Variants in RAD51B observed in about 807,000 individuals in gnomAD.
The protein encoded by RAD51B is RAD51 paralog B, also known as DNA repair protein RAD51 homolog 2.
In RAD51B, 38 loss-of-function variants were observed where a neutral mutation model predicts 42.2. The ratio of observed to expected loss-of-function variants is 0.90; its 90% CI spans 0.70 to 1.18. The LOEUF (loss-of-function observed/expected upper bound fraction) is 1.18, where lower values mean the gene tolerates loss of function less well. Among genes scored for constraint, RAD51B ranks in the 50% most tolerant of loss-of-function variants. The pLI is 0.00. For missense variants in RAD51B, 373 were observed against 400.7 expected, an observed-to-expected ratio of 0.93 and a Z score of 0.59; for synonymous variants, 154 against 145.2, an observed-to-expected ratio of 1.06 and a Z score of -0.43.
intron 7 of RAD51B, among the ~76,000 whole-genome samples, chr14:68,127,471 A>G (rs1370580994): frequency 6.6e-6 from 1 of 152,162 alleles, no homozygotes; most frequent in Non-Finnish European, 1.5e-5. Context: ...AGTACTCATT[A>G]ATTTGTATTG....
At chr14:68,119,570 T>C (rs2077610538) in intron 7 of RAD51B, among the ~76,000 whole-genome samples, 1 of 146,438 alleles carries the variant, frequency 6.8e-6, no homozygotes, top group Admixed American at 6.9e-5. Context: ...TATGCGGTGT[T>C]TGGTTTTTTG....
At chr14:68,504,503 A>G (rs1393986289) in intron 10 of RAD51B, among the ~76,000 whole-genome samples, 1 of 152,168 alleles carries the variant, frequency 6.6e-6, no homozygotes, top group Admixed American at 6.5e-5. Context: ...AGTGCCTCTG[A>G]TCATGAAGAC....
chr14:68,350,508 T>C (rs1038514593), intron 8 of RAD51B, among the ~76,000 whole-genome samples: 2 of 152,222 alleles, frequency 1.3e-5, no homozygotes, highest in Admixed American at 1.3e-4. Context: ...AAATTGCTGG[T>C]GAAGCATCTT....
chr14:68,211,813 T>C lies in RAD51B; in HGVS notation c.757-80071T>C, dbSNP rs140863577. ...GCCCTGTACCCACAGTAACTGTCCA[T>C]AGAAATGTGAATGTTGGTAGTCTTC... is the stretch of plus-strand genomic sequence containing the variant. On this transcript the variant is annotated intron_variant, in intron 7 of 10. Coordinates refer to ENST00000471583, the MANE Select transcript of RAD51B (RefSeq NM_133510.4). Among the ~76,000 whole-genome samples the C allele has an allele frequency of 8.3e-3, 1,266 of 152,326 alleles. 7 individuals are homozygous for C. Among genetic ancestry groups the C allele is most frequent in the Non-Finnish European group, 0.014 (961 of 68,028 alleles).
At chr14:68,193,944 A>C (rs187831402) in intron 7 of RAD51B, among the ~76,000 whole-genome samples, 2 of 152,322 alleles carry the variant, frequency 1.3e-5, no homozygotes, top group African/African-American at 4.8e-5. Context: ...GATCACACTC[A>C]TTAGACTGTT....
intron 7 of RAD51B, among the ~76,000 whole-genome samples, chr14:68,269,957 A>G (rs1023449791): frequency 1.3e-5 from 2 of 152,230 alleles, no homozygotes; most frequent in African/African-American, 4.8e-5. Flanking sequence ...CTGGTCATGC[A>G]CAACTGCCAA....
intron 7 of RAD51B, among the ~76,000 whole-genome samples, chr14:67,929,162 T>G (rs920680596): frequency 4.6e-5 from 7 of 152,126 alleles, no homozygotes; most frequent in Non-Finnish European, 1.5e-5. Flanking sequence ...GCTTTTTAGT[T>G]TTTTGAGGTG....
intron 7 of RAD51B, among the ~76,000 whole-genome samples, chr14:68,099,032 G>A (rs923541076): frequency 6.6e-6 from 1 of 152,162 alleles, no homozygotes; most frequent in Non-Finnish European, 1.5e-5. Context: ...ATTTAACCAT[G>A]CAGTCTGTTC....
intron 7 of RAD51B, among the ~76,000 whole-genome samples, chr14:67,934,634 A>C (rs926398864): frequency 2.0e-5 from 3 of 152,140 alleles, no homozygotes; most frequent in African/African-American, 7.2e-5. Context: ...TACATGAAAT[A>C]ATACCTTTTA....
At chr14:68,057,106 A>G (rs1327337143) in intron 7 of RAD51B, among the ~76,000 whole-genome samples, 1 of 152,026 alleles carries the variant, frequency 6.6e-6, no homozygotes, top group Non-Finnish European at 1.5e-5. Flanking sequence ...AAAAAAAACA[A>G]AGGAAGAAGG....
At chr14:68,471,734 C>CG (rs1050803668) in intron 10 of RAD51B, among the ~76,000 whole-genome samples, 17 of 151,986 alleles carry the variant, frequency 1.1e-4, no homozygotes, top group African/African-American at 4.1e-4. Flanking sequence ...ATGAAAGAAC[C>CG]CCCCTCCTCC....
At chr14:68,366,461 A>G (rs1176010829) in intron 8 of RAD51B, among the ~76,000 whole-genome samples, 2 of 152,202 alleles carry the variant, frequency 1.3e-5, no homozygotes, top group Non-Finnish European at 2.9e-5. Context: ...AGAACCCCCT[A>G]TGGTCATAAA....
chr14:68,279,053 T>A (rs1471516876), intron 7 of RAD51B, among the ~76,000 whole-genome samples: 7 of 152,188 alleles, frequency 4.6e-5, no homozygotes, highest in Non-Finnish European at 1.0e-4. Context: ...GGTTACTGAT[T>A]GATGGTTCTA....
intron 7 of RAD51B, among the ~76,000 whole-genome samples, chr14:68,070,609 G>T (rs1388289373): frequency 6.6e-6 from 1 of 152,036 alleles, no homozygotes; most frequent in East Asian, 1.9e-4. Context: ...TTTATTTCTG[G>T]ATTCTCTAAC....
intron 10 of RAD51B, among the ~76,000 whole-genome samples, chr14:68,517,887 T>G (rs189502665): frequency 1.2e-4 from 19 of 152,296 alleles, no homozygotes; most frequent in Middle Eastern, 6.8e-3. Flanking sequence ...AAACTATCAG[T>G]GTTGAATAAA....
intron 7 of RAD51B, among the ~76,000 whole-genome samples, chr14:68,248,122 A>G (rs766552703): frequency 6.6e-5 from 10 of 152,228 alleles, no homozygotes; most frequent in Non-Finnish European, 1.3e-4. Flanking sequence ...CCCATAGCTC[A>G]TTTTATTACT....
chr14:68,156,198 T>C (rs909856300), intron 7 of RAD51B, among the ~76,000 whole-genome samples: 20 of 152,232 alleles, frequency 1.3e-4, no homozygotes, highest in African/African-American at 4.8e-4. Flanking sequence ...GACAATTTGC[T>C]ATGTCATCAC....
At chr14:68,178,623 A>G (rs1168808108) in intron 7 of RAD51B, among the ~76,000 whole-genome samples, 2 of 152,180 alleles carry the variant, frequency 1.3e-5, no homozygotes, top group African/African-American at 2.4e-5. Context: ...CTTTAAGTCC[A>G]CAAAGGAATT....
At chr14:68,618,927 C>G (rs1159822082) in intron 10 of RAD51B, among the ~76,000 whole-genome samples, 1 of 152,112 alleles carries the variant, frequency 6.6e-6, no homozygotes, top group East Asian at 1.9e-4. Context: ...GTCTTTTCCT[C>G]TAGGTCTTAG....
Sources: allele counts gnomAD v4.1 joint callset (sites outside exome capture counted in the v4.1 genomes callset), GRCh38; gene constraint gnomAD v4.1.1; transcripts MANE v1.5; gene names NCBI Gene and HGNC (gene_info 2026-07-23, HGNC 2026-07-21).